Variants in DNAAF1 observed in about 807,000 individuals in gnomAD.
DNAAF1 encodes the protein dynein axonemal assembly factor 1.
In DNAAF1, 65 loss-of-function variants were observed where a neutral mutation model predicts 71.1. The ratio of observed to expected loss-of-function variants is 0.91; its 90% CI spans 0.75 to 1.12. The LOEUF is 1.12. Among genes scored for constraint, DNAAF1 ranks in the 50% most tolerant of loss-of-function variants. DNAAF1 has a pLI of 0.00. For synonymous variants in DNAAF1, 414 were observed against 354.6 expected (o/e 1.17, Z -1.88); for missense variants, 1,178 against 899.8 (o/e 1.31, Z -3.96).
intron 5 of DNAAF1, among the ~76,000 whole-genome samples, chr16:84,158,061 C>T (rs1395245559): frequency 1.3e-5 from 2 of 151,914 alleles, no homozygotes; most frequent in Admixed American, 6.6e-5. Flanking sequence ...AAAAATTAGC[C>T]GGGCGTGGTG....
intron 1 of DNAAF1, among the ~76,000 whole-genome samples, chr16:84,145,890 G>C (rs2086878768): frequency 1.3e-5 from 2 of 152,066 alleles, no homozygotes; most frequent in African/African-American, 4.8e-5. Context: ...TCAGTCAGGA[G>C]TTCGAGACCA....
rs1567570991 is a variant in DNAAF1, at chr16:84,176,279, TCCTTGCAG to T, written c.2049_2056del (p.Ala684PhefsTer6). On this transcript the variant is annotated frameshift_variant, in exon 11 of 12. Transcript: ENST00000378553. LOFTEE classifies it low-confidence loss of function (END_TRUNC). ...TCCAGTGGAGACAGGGACAGCGACT[TCCTTGCAG>T]CCTCTTCTCCGGGTAAGAGCGTGGG... The T allele has an allele frequency of 8.7e-6, 14 of 1,613,436 alleles. No individual in the cohort carries two copies. The highest frequency in any genetic ancestry group is 1.2e-5 in the Non-Finnish European group (14 of 1,179,988).
rs267607227 is a variant in DNAAF1, at chr16:84,154,748, T to C, written c.524T>C (p.Leu175Pro). 2 of 1,614,166 alleles carry C rather than the reference T, an allele frequency of 1.2e-6. No homozygotes were observed. Among genetic ancestry groups the C allele is most frequent in the Non-Finnish European group, 1.7e-6 (2 of 1,180,024 alleles). The change falls in exon 4 of 12, where the codon CTG (leucine) becomes CCG (proline). Residue 175 changes from leucine (L) to proline (P), a missense_variant. Transcript: ENST00000378553. ...KIENLEPLQKLDALNLSNNYI... is the reference protein window; with the variant it reads ...KIENLEPLQKPDALNLSNNYI... ...GAGAACCTGGAACCTCTGCAGAAAC[T>C]GGATGCTCTTAACCTCAGCAACAAT...
At chr16:84,171,879 C>CTTTTT (rs775231302) in intron 8 of DNAAF1, among the ~76,000 whole-genome samples, 4 of 138,918 alleles carry the variant, frequency 2.9e-5, no homozygotes, top group Non-Finnish European at 4.7e-5. Flanking sequence ...GGGTTTTTGT[C>CTTTTT]TTTTTTTTTT....
In DNAAF1 at chr16:84,150,316, A is replaced by G. The variant is rs751148678; in HGVS notation, c.326A>G (p.Asn109Ser). The G allele has an allele frequency of 6.2e-7, 1 of 1,613,676 alleles. No individual in the cohort carries two copies. The highest frequency in any genetic ancestry group is 2.2e-5 in the East Asian group (1 of 44,870). ...AAGCTTTATATTACCCCAGCATTGA[A>G]TGATACGCTGTATTTACACTTTAAA... Reference protein sequence around the residue: ...QHKLYITPALNDTLYLHFKGF... With the variant: ...QHKLYITPALSDTLYLHFKGF... The change falls in exon 3 of 12, where the codon AAT becomes AGT. Residue 109 changes from asparagine to serine, a missense_variant. Asn to Ser is a conservative substitution (Grantham distance 46). Transcript: ENST00000378553.
intron 3 of DNAAF1, among the ~76,000 whole-genome samples, chr16:84,151,296 GA>G (rs1387357591): frequency 6.6e-6 from 1 of 152,156 alleles, no homozygotes; most frequent in Non-Finnish European, 1.5e-5. Context: ...TGTCCTGGGG[GA>G]TGGGAGCAGC....
intron 1 of DNAAF1, among the ~76,000 whole-genome samples, chr16:84,147,939 G>A (rs895653285): frequency 4.6e-5 from 7 of 152,066 alleles, no homozygotes; most frequent in African/African-American, 1.7e-4. Context: ...ATGGTGACAG[G>A]CGCTGGTAAT....
Position 84,159,120 on chromosome 16 carries a change from C to T in DNAAF1, c.742-555C>T, listed in dbSNP as rs115701659. 2,605 of 992,432 alleles carry T rather than the reference C, an allele frequency of 2.6e-3. 62 individuals carry two copies. The African/African-American group carries it at 0.042, about 16-fold the overall frequency. The allele number at this position is 992,432 out of a possible 1,614,324, so 61.5% of individuals were successfully genotyped here. ...GGGGGAGGATGGCAGGTCGGATTGC[C>T]GAGCCCCTTCCTCCTCCCTGGTCCT... On this transcript the variant is annotated intron_variant, in intron 5 of 11. Transcript: ENST00000378553.
chr16:84,166,037 ATTTTT>A lies in DNAAF1; in HGVS notation c.1030+111_1030+115del, dbSNP rs58906103. 2.3e-3 allele frequency: 2,474 copies of A among 1,084,760 alleles called. 1 individual carries two copies. Among genetic ancestry groups the A allele is most frequent in the African/African-American group, 0.013 (641 of 51,102 alleles). The allele number at this position is 1,084,760 out of a possible 1,614,324, so 67.2% of individuals were successfully genotyped here. On this transcript the variant is annotated intron_variant, in intron 7 of 11. Coordinates refer to ENST00000378553, the MANE Select transcript of DNAAF1 (RefSeq NM_178452.6). ...TCAAACCCAGTCTTTAATCTTGGGA[ATTTTT>A]TTTTTTTTTTTTTTTTTTTTTTAGA... is the stretch of plus-strand genomic sequence containing the variant.
rs764509187 is a variant in DNAAF1, at chr16:84,169,945, C to T, written c.1117C>T (p.Gln373Ter). Residue 373 changes from glutamine (Q) to a stop codon, truncating the protein, a stop_gained, in exon 8 of 12, where the codon CAG becomes TAG. Transcript: ENST00000378553. LOFTEE classifies it high-confidence loss of function. ...GCCTCCCGGGGACAGAGAAACAAGG[C>T]AGAAGATGGAGCTATTTGTTAAGGA... ...EEPPGDRETR[Q>*]KMELFVKESF... The T allele has an allele frequency of 5.6e-6, 9 of 1,614,028 alleles. No homozygotes were observed. Among genetic ancestry groups the T allele is most frequent in the African/African-American group, 5.3e-5 (4 of 74,944 alleles).
chr16:84,149,129 G>A lies in DNAAF1; in HGVS notation c.247G>A (p.Asp83Asn), dbSNP rs754496194. Residue 83 changes from aspartate (D) to asparagine (N), a missense_variant, in exon 2 of 12, where the codon GAT becomes AAT. Transcript: ENST00000378553. ...CGCACACCCAAGAGAAGACAGGGAA[G>A]ATCGGGGCCCCAGGTATGTGGGCAT... Reference protein sequence around the residue: ...HFAHPREDREDRGPRMTKSSL... With the variant: ...HFAHPREDRENRGPRMTKSSL... The A allele has an allele frequency of 6.2e-7, 1 of 1,614,132 alleles. No individual in the cohort carries two copies. Among genetic ancestry groups the A allele is most frequent in the South Asian group, 1.1e-5 (1 of 91,088 alleles).
In DNAAF1 at chr16:84,167,845, G is replaced by A. The variant is rs571022876; in HGVS notation, c.1030+1896G>A. ...AGCCTGAACAACATGGAGAAACCCC[G>A]TCTCTACTAAAAATAGAAAAAATTA... is the stretch of plus-strand genomic sequence containing the variant. On this transcript the variant is annotated intron_variant, in intron 7 of 11. Transcript: ENST00000378553. Among the ~76,000 whole-genome samples the A allele has an allele frequency of 1.4e-4, 21 of 151,990 alleles. No individual in the cohort carries two copies. The South Asian group carries it at 2.3e-3, about 17-fold the overall frequency.
intron 5 of DNAAF1, chr16:84,159,173 G>T (rs910782400): frequency 1.0e-6 from 1 of 1,000,424 alleles, no homozygotes; most frequent in Non-Finnish European, 1.2e-6. Flanking sequence ...GCTGTAAGCC[G>T]AGGAAGAAGG....
chr16:84,159,238 C>T (rs2087587251), intron 5 of DNAAF1: 2 of 1,068,200 alleles, frequency 1.9e-6, no homozygotes, highest in African/African-American at 3.4e-5. Flanking sequence ...CATCCTTTCC[C>T]TTAGTCACTG....
In DNAAF1 at chr16:84,173,535, T is replaced by G. The variant is rs374544034; in HGVS notation, c.1645-1134T>G. 27 of 982,458 alleles carry G rather than the reference T, an allele frequency of 2.7e-5. No individual in the cohort carries two copies. In the East Asian group the frequency reaches 6.9e-4, roughly 25 times the overall value. The allele number at this position is 982,458 out of a possible 1,614,324, so 60.9% of individuals were successfully genotyped here. A position where few individuals can be genotyped will look rare whatever the true frequency, so the allele number is the denominator to read the frequency against. On this transcript the variant is annotated intron_variant, in intron 9 of 11. Coordinates refer to ENST00000378553, the MANE Select transcript of DNAAF1 (RefSeq NM_178452.6). ...GGGTTTCTAGTTTTCTGGAGCTATG[T>G]AAAAAAAAGAAACAAAGGCCAGGTG...
chr16:84,177,278 TTTTTGTTTG>T (rs1277158558), intron 11 of DNAAF1: 3 of 252,432 alleles, frequency 1.2e-5, no homozygotes, highest in African/African-American at 2.2e-5. Context: ...GAATAATTTG[TTTTTGTTTG>T]TTTTGTTTGA....
chr16:84,170,827 C>T (rs1383743203), intron 8 of DNAAF1, among the ~76,000 whole-genome samples: 1 of 150,634 alleles, frequency 6.6e-6, no homozygotes, highest in Non-Finnish European at 1.5e-5. Flanking sequence ...GTGAGACCCT[C>T]CCTCAAAAAA....
intron 11 of DNAAF1, chr16:84,176,609 A>C (rs2088680984): frequency 2.4e-5 from 11 of 460,748 alleles, no homozygotes; most frequent in Non-Finnish European, 4.0e-5. Context: ...GGGCCTAATG[A>C]CCGTGCATTT....
chr16:84,169,713 G>T, intron 7 of DNAAF1, 146 bp from the exon 8 acceptor site: 1 of 1,164,748 alleles, frequency 8.6e-7, no homozygotes, highest in Non-Finnish European at 1.3e-6. Flanking sequence ...GAGCCACCGC[G>T]CCCAGCCCCT....
Sources: gnomAD v4.1 joint callset for allele counts (sites outside exome capture counted in the v4.1 genomes callset) on GRCh38, gnomAD v4.1.1 for gene constraint, MANE v1.5 for transcripts, NCBI Gene and HGNC (gene_info 2026-07-23, HGNC 2026-07-21) for gene names.